Variants in LHFPL6 observed in about 807,000 individuals in gnomAD.
LHFPL6 encodes LHFPL tetraspan subfamily member 6 protein.
LHFPL6 carries 9 observed loss-of-function variants against 20.6 expected under a neutral mutation model. The ratio of observed to expected loss-of-function variants is 0.44; its 90% confidence interval spans 0.26 to 0.76. The LOEUF is 0.76. Ranked by LOEUF, LHFPL6 falls within the 30% of genes least tolerant of loss-of-function variation. The probability of loss-of-function intolerance (pLI) is 0.20; values close to 1 mark genes in which losing one functional copy is unlikely to be tolerated. For synonymous variants in LHFPL6, 105 were observed against 98.7 expected, an observed-to-expected ratio of 1.06 and a Z score of -0.38; for missense variants, 218 against 253.5, an observed-to-expected ratio of 0.86 and a Z score of 0.95.
chr13:39,532,202 A>G (rs11842872), intron 2 of LHFPL6, among the ~76,000 whole-genome samples: 143 of 152,232 alleles, frequency 9.4e-4, no homozygotes, highest in African/African-American at 3.1e-3. Flanking sequence ...TCATTCTGAA[A>G]GAACAACACT....
At chr13:39,553,188 A>G (rs1184632541) in intron 2 of LHFPL6, among the ~76,000 whole-genome samples, 2 of 152,234 alleles carry the variant, frequency 1.3e-5, no homozygotes, top group African/African-American at 4.8e-5. Flanking sequence ...CAGAAATACA[A>G]TTAATGGAAT....
chr13:39,444,843 C>G (rs1213320670), intron 2 of LHFPL6, among the ~76,000 whole-genome samples: 1 of 152,148 alleles, frequency 6.6e-6, no homozygotes, highest in Non-Finnish European at 1.5e-5. Flanking sequence ...CCTAGTGGAG[C>G]CATGGGAATG....
chr13:39,602,681 G>A (rs1009749127), intron 1 of LHFPL6, among the ~76,000 whole-genome samples: 3 of 152,206 alleles, frequency 2.0e-5, no homozygotes, highest in Non-Finnish European at 4.4e-5. Context: ...CTGGACGAAG[G>A]GAGGGGATAA....
intron 2 of LHFPL6, among the ~76,000 whole-genome samples, chr13:39,588,572 C>A (rs1422976737): frequency 6.6e-6 from 1 of 152,196 alleles, no homozygotes; most frequent in East Asian, 1.9e-4. Flanking sequence ...TGTAGTATGA[C>A]ACACCATCGT....
chr13:39,471,723 G>A (rs568805386), intron 2 of LHFPL6, among the ~76,000 whole-genome samples: 4 of 152,318 alleles, frequency 2.6e-5, no homozygotes, highest in African/African-American at 9.6e-5. Flanking sequence ...TATCATTAGA[G>A]ACCAGGATGT....
At chr13:39,481,559 G>A (rs912250239) in intron 2 of LHFPL6, among the ~76,000 whole-genome samples, 1 of 152,136 alleles carries the variant, frequency 6.6e-6, no homozygotes, top group Admixed American at 6.5e-5. Flanking sequence ...CTGGGATGGA[G>A]CCTAAATAAC....
intron 2 of LHFPL6, among the ~76,000 whole-genome samples, chr13:39,437,289 A>G (rs756791737): frequency 6.6e-6 from 1 of 152,136 alleles, no homozygotes; most frequent in Non-Finnish European, 1.5e-5. Flanking sequence ...GCCTGGTGGA[A>G]GGTGATTGGA....
chr13:39,530,229 C>T (rs1179518041), intron 2 of LHFPL6, among the ~76,000 whole-genome samples: 1 of 135,180 alleles, frequency 7.4e-6, no homozygotes, highest in Non-Finnish European at 1.6e-5. Context: ...GCCTGGGCGA[C>T]AAAGTGAGAC....
At chr13:39,486,264 T>G (rs1023793654) in intron 2 of LHFPL6, among the ~76,000 whole-genome samples, 1 of 152,214 alleles carries the variant, frequency 6.6e-6, no homozygotes, top group Non-Finnish European at 1.5e-5. Context: ...TTAGTGAGTC[T>G]CCATTGTATC....
intron 2 of LHFPL6, among the ~76,000 whole-genome samples, chr13:39,558,912 A>G (rs1871389309): frequency 6.6e-6 from 1 of 152,254 alleles, no homozygotes; most frequent in Non-Finnish European, 1.5e-5. Flanking sequence ...ATATCGTTAG[A>G]AAATTCCATT....
intron 2 of LHFPL6, among the ~76,000 whole-genome samples, chr13:39,435,938 G>A (rs1871946537): frequency 6.6e-6 from 1 of 151,852 alleles, no homozygotes. Flanking sequence ...CAAAAAACTG[G>A]AAAACAATGT....
At chr13:39,387,854 G>C (rs1870606949) in intron 2 of LHFPL6, among the ~76,000 whole-genome samples, 1 of 152,166 alleles carries the variant, frequency 6.6e-6, no homozygotes, top group Admixed American at 6.5e-5. Context: ...GTCACCATTT[G>C]TCTAAGAATG....
chr13:39,374,557 A>G (rs1870241135), intron 3 of LHFPL6, among the ~76,000 whole-genome samples: 1 of 152,138 alleles, frequency 6.6e-6, no homozygotes, highest in African/African-American at 2.4e-5. Flanking sequence ...AAAAAAAAAA[A>G]AGTTCTATTG....
chr13:39,390,697 T>C (rs1377323872), intron 2 of LHFPL6, among the ~76,000 whole-genome samples: 10 of 152,076 alleles, frequency 6.6e-5, no homozygotes, highest in African/African-American at 2.4e-4. Flanking sequence ...AAAAACTTTT[T>C]AAAAATCCAA....
intron 2 of LHFPL6, among the ~76,000 whole-genome samples, chr13:39,489,338 G>C (rs761717142): frequency 6.6e-6 from 1 of 152,168 alleles, no homozygotes; most frequent in Non-Finnish European, 1.5e-5. Flanking sequence ...AGGGGGCCCA[G>C]GTTCCAGTCC....
chr13:39,361,313 A>T lies in LHFPL6; in HGVS notation c.484+17115T>A, dbSNP rs376699028. 1.1e-4 allele frequency among the ~76,000 whole-genome samples: 4 copies of T among 35,130 alleles called. 2 individuals are homozygous for T. Among genetic ancestry groups the T allele is most frequent in the East Asian group, 3.6e-3 (2 of 548 alleles). 23.0% of individuals were successfully genotyped at this position (35,130 alleles called of 152,430 possible). A position where few individuals can be genotyped will look rare whatever the true frequency, so the allele number is the denominator to read the frequency against. ...TTGAGCCTCTGAAGAATTTTTTTTA[A>T]TTTTTTTTATTTTTTTTTATTTTGA... On this transcript the variant is annotated intron_variant, in intron 3 of 3. Transcript: ENST00000379589.
At chr13:39,523,529 G>T (rs1468401839) in intron 2 of LHFPL6, among the ~76,000 whole-genome samples, 1 of 146,572 alleles carries the variant, frequency 6.8e-6, no homozygotes, top group Admixed American at 6.9e-5. Flanking sequence ...AGATCACAGC[G>T]AGACTCCGTC....
chr13:39,492,210 T>C (rs1467940156), intron 2 of LHFPL6, among the ~76,000 whole-genome samples: 1 of 152,182 alleles, frequency 6.6e-6, no homozygotes, highest in Non-Finnish European at 1.5e-5. Flanking sequence ...GGAAATCTGT[T>C]TGTAGGTGAA....
At chr13:39,458,176 A>T (rs1872613057) in intron 2 of LHFPL6, among the ~76,000 whole-genome samples, 1 of 152,158 alleles carries the variant, frequency 6.6e-6, no homozygotes, top group African/African-American at 2.4e-5. Flanking sequence ...AGAGAAAAGG[A>T]TGGGAGGGGA....
Sources: allele counts gnomAD v4.1 joint callset (sites outside exome capture counted in the v4.1 genomes callset), GRCh38; gene constraint gnomAD v4.1.1; transcripts MANE v1.5; gene names NCBI Gene and HGNC (gene_info 2026-07-23, HGNC 2026-07-21).